Variants in COL4A1 observed in about 807,000 individuals in gnomAD.
COL4A1 encodes collagen type IV alpha 1 chain, also known as collagen alpha-1(IV) chain.
COL4A1 carries 40 observed loss-of-function variants against 216.6 expected under a neutral mutation model. The observed-to-expected ratio is 0.18, with a 90% CI of 0.14 to 0.24. COL4A1 has a LOEUF of 0.24. Ranked by LOEUF, COL4A1 falls within the 10% of genes least tolerant of loss-of-function variation. The probability of loss-of-function intolerance (pLI) is 1.00; values close to 1 mark genes in which losing one functional copy is unlikely to be tolerated. For synonymous variants in COL4A1, 839 were observed against 810.7 expected, an observed-to-expected ratio of 1.03 and a Z score of -0.59; for missense variants, 1,628 against 2,196.8, an observed-to-expected ratio of 0.74 and a Z score of 5.18.
At chr13:110,248,924 G>A (rs1165268188) in intron 1 of COL4A1, among the ~76,000 whole-genome samples, 1 of 152,116 alleles carries the variant, frequency 6.6e-6, no homozygotes, top group African/African-American at 2.4e-5. Flanking sequence ...AAGACTGCAC[G>A]TGGAGAATGG....
At chr13:110,213,304 C>A (rs1392014444) in intron 4 of COL4A1, among the ~76,000 whole-genome samples, 2 of 152,128 alleles carry the variant, frequency 1.3e-5, no homozygotes, top group Non-Finnish European at 2.9e-5. Flanking sequence ...TAAAAGCTGA[C>A]TGCTGATCCC....
chr13:110,172,584 G>T, intron 41 of COL4A1, 136 bp downstream of exon 41: 1 of 840,118 alleles, frequency 1.2e-6, no homozygotes, highest in Non-Finnish European at 2.1e-6. Context: ...TGCCCTCTGG[G>T]CTCAGCACCC....
intron 49 of COL4A1, among the ~76,000 whole-genome samples, chr13:110,159,229 G>A (rs1251029671): frequency 2.7e-5 from 4 of 149,998 alleles, no homozygotes; most frequent in Non-Finnish European, 4.4e-5. Context: ...ATGCATTTTC[G>A]ATGGGTACAA....
chr13:110,167,152 T>C lies in COL4A1; in HGVS notation c.3949+6A>G, dbSNP rs374341500. The C allele has an allele frequency of 4.5e-5, 72 of 1,612,722 alleles. No homozygotes were observed. The African/African-American group carries it at 9.2e-4, about 21-fold the overall frequency. Reference sequence around the variant, plus strand: ...AGGCTGTGCAGCAAGGTCTGTGCTGTCTTACCTTGAAATCCTGGAACTCCT... The same window carrying C: ...AGGCTGTGCAGCAAGGTCTGTGCTGCCTTACCTTGAAATCCTGGAACTCCT... On this transcript the variant is annotated splice_donor_region_variant and intron_variant, in intron 44 of 51. Transcript: ENST00000375820.
intron 1 of COL4A1, among the ~76,000 whole-genome samples, chr13:110,290,366 G>A (rs550729640): frequency 6.6e-6 from 1 of 152,256 alleles, no homozygotes; most frequent in South Asian, 2.1e-4. Context: ...ACATGTCCTT[G>A]CACTGTTTAA....
At chr13:110,173,663 G>A (rs1877745823) in intron 40 of COL4A1, among the ~76,000 whole-genome samples, 2 of 152,154 alleles carry the variant, frequency 1.3e-5, no homozygotes, top group African/African-American at 4.8e-5. Flanking sequence ...TGAGAGCTCA[G>A]GTTATTTCAG....
At chr13:110,185,040 T>A (rs564408850) in intron 26 of COL4A1, among the ~76,000 whole-genome samples, 20 of 152,376 alleles carry the variant, frequency 1.3e-4, no homozygotes, top group Non-Finnish European at 2.5e-4. Flanking sequence ...AGGCTCAATA[T>A]GGTTATTGAC....
chr13:110,244,966 T>C (rs1222837425), intron 1 of COL4A1, among the ~76,000 whole-genome samples: 1 of 152,172 alleles, frequency 6.6e-6, no homozygotes, highest in Non-Finnish European at 1.5e-5. Flanking sequence ...AGTACCCAAT[T>C]ATGGTTGTAT....
At chr13:110,228,456 C>T (rs1337367282) in intron 2 of COL4A1, among the ~76,000 whole-genome samples, 1 of 152,222 alleles carries the variant, frequency 6.6e-6, no homozygotes, top group Non-Finnish European at 1.5e-5. Context: ...GGCTCCTGCG[C>T]CCCCTCCAAG....
chr13:110,155,653 A>G (rs1876749261), intron 49 of COL4A1, among the ~76,000 whole-genome samples: 1 of 152,154 alleles, frequency 6.6e-6, no homozygotes, highest in African/African-American at 2.4e-5. Context: ...GCTCATGTCT[A>G]TAATCCCAGC....
intron 4 of COL4A1, 48 bp downstream of exon 4, chr13:110,213,734 C>T (rs1169442909): frequency 6.3e-7 from 1 of 1,592,936 alleles, no homozygotes; most frequent in East Asian, 2.2e-5. Flanking sequence ...TGGAAGCGGG[C>T]CTGTCCCACG....
intron 1 of COL4A1, among the ~76,000 whole-genome samples, chr13:110,277,343 C>CT (rs977087931): frequency 7.9e-5 from 12 of 152,146 alleles, no homozygotes; most frequent in African/African-American, 1.7e-4. Context: ...CTAAGCCATT[C>CT]TTTATTTTCC....
Position 110,205,661 on chromosome 13 carries a change from G to A in COL4A1, c.859-123C>T, listed in dbSNP as rs936308260. 21 of 1,030,366 alleles carry A rather than the reference G, an allele frequency of 2.0e-5. No homozygotes were observed. In the Middle Eastern group the frequency reaches 1.4e-3, roughly 67 times the overall value. The allele number at this position is 1,030,366 out of a possible 1,614,324, so 63.8% of individuals were successfully genotyped here. On this transcript the variant is annotated intron_variant, in intron 15 of 51. Transcript: ENST00000375820. ...GTGGATCACCTGAGGTCAGGAGTTC[G>A]AGACCAGCCTGGCCAACATGGCGAA...
chr13:110,258,624 C>T (rs1452080046), intron 1 of COL4A1, among the ~76,000 whole-genome samples: 1 of 152,004 alleles, frequency 6.6e-6, no homozygotes, highest in Non-Finnish European at 1.5e-5. Flanking sequence ...AACTATGTGC[C>T]TCTTTATTAA....
In COL4A1 at chr13:110,222,739, C is replaced by CT. The variant is rs533512303; in HGVS notation, c.145-8725dup. On this transcript the variant is annotated intron_variant, in intron 2 of 51. Coordinates refer to ENST00000375820, the MANE Select transcript of COL4A1 (RefSeq NM_001845.6). ...AGTGAGCCGAGATCGTGCCACTGCA[C>CT]TCCAGCCTGGGCGACAGAGCCAGAC... Among the ~76,000 whole-genome samples the CT allele has an allele frequency of 1.3e-3, 162 of 122,798 alleles. 1 individual carries two copies. The highest frequency in any genetic ancestry group is 4.5e-3 in the African/African-American group (156 of 34,538). 80.6% of individuals were successfully genotyped at this position (122,798 alleles called of 152,430 possible). A position where few individuals can be genotyped will look rare whatever the true frequency, so the allele number is the denominator to read the frequency against.
intron 1 of COL4A1, among the ~76,000 whole-genome samples, chr13:110,276,912 T>C (rs1000237320): frequency 6.6e-6 from 1 of 152,232 alleles, no homozygotes; most frequent in African/African-American, 2.4e-5. Context: ...TAGAAGTTTT[T>C]GAATGAATAT....
intron 1 of COL4A1, among the ~76,000 whole-genome samples, chr13:110,287,279 G>A (rs1488391625): frequency 6.6e-6 from 1 of 152,162 alleles, no homozygotes; most frequent in Admixed American, 6.5e-5. Context: ...GACATCTCAG[G>A]GGCAAGCCAG....
chr13:110,230,532 A>C (rs1880991997), intron 2 of COL4A1, among the ~76,000 whole-genome samples: 1 of 85,990 alleles, frequency 1.2e-5, no homozygotes. Context: ...AGAAGGGTAA[A>C]GGGGGCGAGT....
intron 30 of COL4A1, 35 bp downstream of exon 30, chr13:110,179,236 C>T (rs762510019): frequency 5.6e-6 from 9 of 1,613,698 alleles, no homozygotes; most frequent in Non-Finnish European, 7.6e-6. Flanking sequence ...ACATCCTGTC[C>T]TCGAAACCCT....
Sources: allele counts gnomAD v4.1 joint callset (sites outside exome capture counted in the v4.1 genomes callset), GRCh38; gene constraint gnomAD v4.1.1; transcripts MANE v1.5; gene names NCBI Gene and HGNC (gene_info 2026-07-23, HGNC 2026-07-21).